Variants in TENM4 observed in about 807,000 individuals in gnomAD.
TENM4 encodes teneurin transmembrane protein 4.
TENM4 carries 82 observed loss-of-function variants against 243.3 expected under a neutral mutation model. The observed-to-expected ratio is 0.34, with a 90% CI of 0.28 to 0.40. The LOEUF is 0.40. TENM4 is among the 10% of genes least tolerant of loss of function. The probability of loss-of-function intolerance (pLI) is 1.00; values close to 1 mark genes in which losing one functional copy is unlikely to be tolerated. For synonymous variants in TENM4, 1,412 were observed against 1,456.3 expected (o/e 0.97, Z 0.69); for missense variants, 3,138 against 3,673.3 (o/e 0.85, Z 3.77).
intron 18 of TENM4, among the ~76,000 whole-genome samples, chr11:78,768,405 T>C (rs1360038732): frequency 6.6e-6 from 1 of 152,246 alleles, no homozygotes; most frequent in Non-Finnish European, 1.5e-5. Context: ...CAGTTCCCAG[T>C]AGGGCACCCA....
At chr11:78,737,279 G>C (rs1018650140) in intron 20 of TENM4, among the ~76,000 whole-genome samples, 3 of 152,226 alleles carry the variant, frequency 2.0e-5, no homozygotes, top group Non-Finnish European at 4.4e-5. Context: ...AAGGTGTATA[G>C]GGTAGGGAAC....
At chr11:79,090,816 G>T (rs1860927632) in intron 4 of TENM4, among the ~76,000 whole-genome samples, 1 of 152,192 alleles carries the variant, frequency 6.6e-6, no homozygotes, top group Non-Finnish European at 1.5e-5. Context: ...CGACGTCCCT[G>T]TGTTGGGCAT....
At chr11:78,962,830 C>T (rs1857358974) in intron 6 of TENM4, among the ~76,000 whole-genome samples, 1 of 152,234 alleles carries the variant, frequency 6.6e-6, no homozygotes, top group South Asian at 2.1e-4. Context: ...TTATTCCGAC[C>T]TGCCTGGAAC....
At chr11:78,830,610 G>A (rs1350061211) in intron 12 of TENM4, among the ~76,000 whole-genome samples, 1 of 152,216 alleles carries the variant, frequency 6.6e-6, no homozygotes, top group Non-Finnish European at 1.5e-5. Context: ...TTGGCCTGAG[G>A]TGGCCGCTGC....
intron 6 of TENM4, among the ~76,000 whole-genome samples, chr11:79,018,177 G>T (rs1470454695): frequency 6.6e-6 from 1 of 152,186 alleles, no homozygotes; most frequent in Non-Finnish European, 1.5e-5. Context: ...GGAACCCTGA[G>T]GCTGGGATGA....
Position 78,669,643 on chromosome 11 carries a change from G to T in TENM4, c.6702C>A (p.Leu2234=). The change falls in exon 32 of 34, where the codon CTC becomes CTA. Residue 2234 remains leucine (L), a synonymous_variant. Transcript: ENST00000278550. The surrounding 1 kb of genome is among the most constrained non-coding windows in gnomAD (Gnocchi z 6.4). ...HLLSPGNSAR[L]TPLRYDIRDR... ...CGCGGATGTCATACCGTAGTGGTGT[G>T]AGCCGTGCACTGTTCCCAGGGCTCA... The T allele has an allele frequency of 1.2e-6, 2 of 1,614,016 alleles. No homozygotes were observed. The highest frequency in any genetic ancestry group is 1.6e-4 in the Middle Eastern group (1 of 6,062).
intron 6 of TENM4, among the ~76,000 whole-genome samples, chr11:78,984,248 C>T (rs1857868864): frequency 6.6e-6 from 1 of 152,304 alleles, no homozygotes; most frequent in Non-Finnish European, 1.5e-5. Context: ...TTGTTACACT[C>T]ATGTAAGGCT....
Position 79,164,957 on chromosome 11 carries a change from ATGTGTGTG to A in TENM4, c.-162-16159_-162-16152del, listed in dbSNP as rs369197845. Among the ~76,000 whole-genome samples the A allele has an allele frequency of 1.1e-3, 154 of 139,928 alleles. 1 individual carries two copies. The highest frequency in any genetic ancestry group is 2.6e-3 in the African/African-American group (99 of 37,990). The allele number at this position is 139,928 out of a possible 152,430, so 91.8% of individuals were successfully genotyped here. On this transcript the variant is annotated intron_variant, in intron 3 of 33. Coordinates refer to ENST00000278550, the MANE Select transcript of TENM4 (RefSeq NM_001098816.3). ...GAAAATGGACTAATACTATATATAT[ATGTGTGTG>A]TGTGTGTGTGTGTGTGTGTGTGTGT... is the stretch of plus-strand genomic sequence containing the variant.
At chr11:79,019,418 C>T (rs1490718247) in intron 6 of TENM4, among the ~76,000 whole-genome samples, 2 of 152,190 alleles carry the variant, frequency 1.3e-5, no homozygotes, top group Non-Finnish European at 2.9e-5. Context: ...AAGCCCAACT[C>T]TTCTACCTCT....
intron 6 of TENM4, among the ~76,000 whole-genome samples, chr11:78,956,902 C>A (rs1018765175): frequency 6.6e-6 from 1 of 152,154 alleles, no homozygotes; most frequent in Non-Finnish European, 1.5e-5. Flanking sequence ...ACTCCATTTT[C>A]TTTTTTAAAT....
chr11:79,264,881 C>A (rs1445669532), intron 2 of TENM4, among the ~76,000 whole-genome samples: 1 of 152,166 alleles, frequency 6.6e-6, no homozygotes, highest in Non-Finnish European at 1.5e-5. Context: ...TCTGTTTATA[C>A]CTCTGGTCTT....
intron 3 of TENM4, among the ~76,000 whole-genome samples, chr11:79,150,013 G>A (rs994882301): frequency 6.6e-6 from 1 of 152,152 alleles, no homozygotes; most frequent in African/African-American, 2.4e-5. Context: ...GGCAGGTAGA[G>A]GTGGGAACCC....
intron 2 of TENM4, among the ~76,000 whole-genome samples, chr11:79,216,854 G>A (rs1864060425): frequency 6.6e-6 from 1 of 152,132 alleles, no homozygotes; most frequent in Non-Finnish European, 1.5e-5. Flanking sequence ...GCAGAAAATG[G>A]ACTAAGGCAC....
intron 2 of TENM4, among the ~76,000 whole-genome samples, chr11:79,275,449 C>T (rs551101559): frequency 6.6e-6 from 1 of 152,346 alleles, no homozygotes; most frequent in East Asian, 1.9e-4. Flanking sequence ...ATGCGCTTTG[C>T]ACTCTGCAGG....
intron 1 of TENM4, among the ~76,000 whole-genome samples, chr11:79,375,428 T>G (rs1020270716): frequency 6.6e-6 from 1 of 152,242 alleles, no homozygotes. Context: ...AATTAGACTG[T>G]GCATAGCTCT....
At chr11:79,186,118 C>A (rs1363864109) in intron 3 of TENM4, among the ~76,000 whole-genome samples, 1 of 152,218 alleles carries the variant, frequency 6.6e-6, no homozygotes, top group African/African-American at 2.4e-5. Flanking sequence ...CTCTCTAACT[C>A]CAAAAACTAT....
intron 29 of TENM4, among the ~76,000 whole-genome samples, chr11:78,685,022 C>A (rs987298725): frequency 1.4e-5 from 2 of 139,814 alleles, no homozygotes; most frequent in African/African-American, 5.8e-5. Flanking sequence ...TTCAAACAGG[C>A]CCCCCCCACT....
At chr11:78,762,427 G>A (rs1267213436) in intron 18 of TENM4, among the ~76,000 whole-genome samples, 2 of 152,162 alleles carry the variant, frequency 1.3e-5, no homozygotes, top group Non-Finnish European at 2.9e-5. Context: ...GCAATGCACT[G>A]TAAATTAGGG....
At position 78,673,093 on chromosome 11, in the gene TENM4, A is replaced by G. The variant is rs572733984; in HGVS notation, c.5497-764T>C. Among the ~76,000 whole-genome samples, 8 of 152,246 alleles carry G rather than the reference A, an allele frequency of 5.3e-5. No homozygotes were observed. In the East Asian group the frequency reaches 1.5e-3, roughly 29 times the overall value. On this transcript the variant is annotated intron_variant, in intron 30 of 33. Coordinates refer to ENST00000278550, the MANE Select transcript of TENM4 (RefSeq NM_001098816.3). Reference sequence around the variant, plus strand: ...TTTGAGGCACTTTGCTCCTGCCTTCAGGATCGGGAGTGCCTTGTATAAACT... The same window carrying G: ...TTTGAGGCACTTTGCTCCTGCCTTCGGGATCGGGAGTGCCTTGTATAAACT...
Sources: gnomAD v4.1 joint callset for allele counts (sites outside exome capture counted in the v4.1 genomes callset) on GRCh38, gnomAD v4.1.1 for gene constraint, Gnocchi (gnomAD v3.1) non-coding constraint, MANE v1.5 for transcripts, NCBI Gene and HGNC (gene_info 2026-07-23, HGNC 2026-07-21) for gene names.